The following MPP4 variants were observed in gnomAD, a reference collection of about 807,000 sequenced individuals.
MPP4 encodes MAGUK p55 subfamily member 4.
A neutral mutation model predicts 98.3 loss-of-function variants in MPP4; 91 were observed. That is an observed-to-expected ratio of 0.93 (90% confidence interval 0.78 to 1.10). The LOEUF (loss-of-function observed/expected upper bound fraction) is 1.10, where lower values mean the gene tolerates loss of function less well. Ranked by LOEUF, MPP4 falls within the 50% of genes least tolerant of loss-of-function variation. The pLI is 0.00. For missense variants in MPP4, 744 were observed against 792.9 expected (o/e 0.94, Z 0.74); for synonymous variants, 261 against 271.8 (o/e 0.96, Z 0.39).
chr2:201,696,040 A>G (rs547111595), intron 1 of MPP4, among the ~76,000 whole-genome samples: 1 of 152,342 alleles, frequency 6.6e-6, no homozygotes, highest in Non-Finnish European at 1.5e-5. Flanking sequence ...AAGGCTATCT[A>G]AAAGAAGAAA....
chr2:201,697,862 G>A (rs957503101), intron 1 of MPP4: 10 of 937,698 alleles, frequency 1.1e-5, no homozygotes, highest in Admixed American at 6.2e-5. Context: ...GTAAAATCGA[G>A]TTTTCCTCTT....
At chr2:201,651,511 CGAG>C (rs1320510319) in intron 18 of MPP4, 1 of 985,202 alleles carries the variant, frequency 1.0e-6, no homozygotes, top group African/African-American at 1.7e-5. Flanking sequence ...ATGTATAACT[CGAG>C]GTATCCATTT....
Position 201,694,962 on chromosome 2 carries a change from T to C in MPP4, c.-100-908A>G, listed in dbSNP as rs145983220. On this transcript the variant is annotated intron_variant, in intron 1 of 21. Coordinates refer to ENST00000409474, the MANE Select transcript of MPP4 (RefSeq NM_033066.3). ...AGATTTAATACCAGTCTTTGAAAAC[T>C]AGTTTGAAATGCTTATTTTAATGTT... Among the ~76,000 whole-genome samples the C allele has an allele frequency of 7.1e-3, 1,074 of 152,296 alleles. 16 individuals carry two copies. The highest frequency in any genetic ancestry group is 0.025 in the African/African-American group (1,036 of 41,566).
intron 14 of MPP4, among the ~76,000 whole-genome samples, chr2:201,663,484 G>A (rs971000188): frequency 4.6e-5 from 7 of 152,168 alleles, no homozygotes; most frequent in Non-Finnish European, 1.0e-4. Context: ...GGGAGGTCAA[G>A]GTGGGAGAAC....
chr2:201,687,368 C>G lies in MPP4; in HGVS notation c.283G>C (p.Val95Leu), dbSNP rs1371792077. 6.4e-7 allele frequency: 1 copy of G among 1,573,030 alleles called. No homozygotes were observed. Among genetic ancestry groups the G allele is most frequent in the South Asian group, 1.2e-5 (1 of 85,474 alleles). Residue 95 changes from valine (V) to leucine (L), a missense_variant, in exon 5 of 22, where the codon GTG (valine) becomes CTG (leucine). Coordinates refer to ENST00000409474, the MANE Select transcript of MPP4 (RefSeq NM_033066.3). ...GTAGGGGTTTCACGTAATAACTCCA[C>G]TACCTGGTTCATGGAAAAGGATACA... Reference protein sequence around the residue: ...PHAQVLSYEVVELLRETPTSP... With the variant: ...PHAQVLSYEVLELLRETPTSP...
At chr2:201,689,664 C>G (rs577262158) in intron 4 of MPP4, among the ~76,000 whole-genome samples, 8 of 151,992 alleles carry the variant, frequency 5.3e-5, no homozygotes, top group Non-Finnish European at 8.8e-5. Context: ...AAAAGAGAGT[C>G]GAAATGACCC....
intron 21 of MPP4, 114 bp downstream of exon 21, chr2:201,647,577 G>A: frequency 1.7e-6 from 2 of 1,143,994 alleles, no homozygotes; most frequent in Non-Finnish European, 2.4e-6. Context: ...TGGAGAGGGG[G>A]TCAAAAAGGA....
rs1215536185 is a variant in MPP4, at chr2:201,645,256, T to C, written c.1868A>G (p.Gln623Arg). ...GGAAATCCATGTTGCTGGTACCCAC[T>C]GAGGCTCCTCCTGAGCCTTCTGTAT... Reference protein sequence around the residue: ...SAIQKAQEEPQWVPATWISSD... With the variant: ...SAIQKAQEEPRWVPATWISSD... The change falls in exon 22 of 22, where the codon CAG (glutamine) becomes CGG (arginine). Residue 623 changes from glutamine (Q) to arginine (R), a missense_variant. By Grantham distance (43) the Gln-to-Arg change is conservative. Transcript: ENST00000409474. The C allele has an allele frequency of 6.2e-7, 1 of 1,613,882 alleles. No homozygotes were observed. Among genetic ancestry groups the C allele is most frequent in the Admixed American group, 1.7e-5 (1 of 60,002 alleles).
chr2:201,679,379 A>T (rs1285795095), intron 10 of MPP4, among the ~76,000 whole-genome samples: 3 of 151,760 alleles, frequency 2.0e-5, no homozygotes, highest in Non-Finnish European at 2.9e-5. Context: ...TTGCTCTCCA[A>T]CTCTCATGGA....
At chr2:201,672,811 C>T (rs542525534) in intron 11 of MPP4, among the ~76,000 whole-genome samples, 1 of 152,074 alleles carries the variant, frequency 6.6e-6, no homozygotes, top group East Asian at 1.9e-4. Context: ...GGTACCATTC[C>T]TTCTGAAACT....
rs777556505 is a variant in MPP4, at chr2:201,694,608, C to CTTTTTTTT, written c.-100-562_-100-555dup. ...AGAGTCTGGACAGTTTTCTTTTTCC[C>CTTTTTTTT]TTTTTTTTTTTTTTTTTTTTTTTTT... On this transcript the variant is annotated intron_variant, in intron 1 of 21. Coordinates refer to ENST00000409474, the MANE Select transcript of MPP4 (RefSeq NM_033066.3). Among the ~76,000 whole-genome samples, 51 of 78,888 alleles carry CTTTTTTTT rather than the reference C, an allele frequency of 6.5e-4. 1 individual carries two copies. The highest frequency in any genetic ancestry group is 1.0e-3 in the Admixed American group (5 of 4,942). The allele number at this position is 78,888 out of a possible 152,430, so 51.8% of individuals were successfully genotyped here.
At chr2:201,680,740 G>C in intron 10 of MPP4, 98 bp downstream of exon 10, 1 of 1,067,198 alleles carries the variant, frequency 9.4e-7, no homozygotes, top group Non-Finnish European at 1.4e-6. Context: ...TCATCTGCTT[G>C]TCCCTCTTTA....
intron 1 of MPP4, among the ~76,000 whole-genome samples, chr2:201,696,684 T>A (rs999874201): frequency 6.6e-6 from 1 of 152,212 alleles, no homozygotes; most frequent in Non-Finnish European, 1.5e-5. Flanking sequence ...GCTTTACAGA[T>A]AGACTGTGCT....
intron 13 of MPP4, 86 bp from the exon 14 acceptor site, chr2:201,664,187 C>A: frequency 1.3e-6 from 2 of 1,503,388 alleles, no homozygotes; most frequent in Non-Finnish European, 1.8e-6. Flanking sequence ...AATTCTCTGG[C>A]CCCTACTTCT....
intron 2 of MPP4, among the ~76,000 whole-genome samples, 168 bp from the exon 3 acceptor site, chr2:201,693,197 C>T (rs531441039): frequency 7.9e-5 from 12 of 152,304 alleles, no homozygotes; most frequent in African/African-American, 1.4e-4. Flanking sequence ...ACTTTGTGAA[C>T]GTCACAAAGT....
intron 11 of MPP4, among the ~76,000 whole-genome samples, chr2:201,672,910 A>T (rs1434282204): frequency 1.3e-5 from 2 of 152,116 alleles, no homozygotes; most frequent in Non-Finnish European, 2.9e-5. Flanking sequence ...GCAGAGACAC[A>T]CACACAAAAA....
chr2:201,659,324 T>C (rs925391881), intron 15 of MPP4, among the ~76,000 whole-genome samples: 1 of 152,230 alleles, frequency 6.6e-6, no homozygotes, highest in Admixed American at 6.5e-5. Context: ...GCTCTGTGGC[T>C]GCCAAATGTT....
At chr2:201,694,320 A>G (rs1689117094) in intron 1 of MPP4, among the ~76,000 whole-genome samples, 1 of 152,198 alleles carries the variant, frequency 6.6e-6, no homozygotes, top group Non-Finnish European at 1.5e-5. Context: ...ATATTTATTT[A>G]TCTTCCACCT....
intron 10 of MPP4, among the ~76,000 whole-genome samples, chr2:201,678,405 C>T (rs1195990912): frequency 6.6e-6 from 1 of 152,190 alleles, no homozygotes; most frequent in Non-Finnish European, 1.5e-5. Context: ...AGCAAACTCT[C>T]TTAGACCTCA....
Sources: gnomAD v4.1 joint callset for allele counts (sites outside exome capture counted in the v4.1 genomes callset) on GRCh38, gnomAD v4.1.1 for gene constraint, MANE v1.5 for transcripts, NCBI Gene and HGNC (gene_info 2026-07-23, HGNC 2026-07-21) for gene names.